Variants in NPHS1 observed in about 807,000 individuals in gnomAD.
NPHS1 encodes the protein nephrin.
In NPHS1, 107 loss-of-function variants were observed where a neutral mutation model predicts 139.7. That is an observed-to-expected ratio of 0.77 (90% CI 0.66 to 0.90). NPHS1 has a LOEUF of 0.90. NPHS1 is among the 40% of genes least tolerant of loss of function. The pLI is 0.00. For missense variants in NPHS1, 1,580 were observed against 1,654.2 expected, an observed-to-expected ratio of 0.96 and a Z score of 0.78; for synonymous variants, 707 against 706.6, an observed-to-expected ratio of 1.00 and a Z score of -0.01.
At chr19:35,847,796 A>G (rs1320576860) in intron 11 of NPHS1, 1 of 461,328 alleles carries the variant, frequency 2.2e-6, no homozygotes, top group African/African-American at 2.0e-5. Context: ...AGAATGCCTA[A>G]TCTTGATTCA....
intron 27 of NPHS1, 21 bp downstream of exon 27, chr19:35,831,032 C>T (rs1338911863): frequency 6.2e-7 from 1 of 1,613,004 alleles, no homozygotes; most frequent in East Asian, 2.2e-5. Context: ...GTGAGGGAAT[C>T]CTGACATGGT....
chr19:35,842,129 A>T lies in NPHS1; in HGVS notation c.2658T>A (p.Asp886Glu). 6.2e-7 allele frequency: 1 copy of T among 1,604,064 alleles called. No homozygotes were observed. Among genetic ancestry groups the T allele is most frequent in the South Asian group, 1.1e-5 (1 of 89,036 alleles). Residue 886 changes from aspartate to glutamate, a missense_variant, in exon 19 of 29, where the codon GAT (aspartate) becomes GAA (glutamate). Physicochemically the swap from Asp to Glu is conservative, Grantham distance 45. Transcript: ENST00000378910. ...TKNGVPLDLQ[D>E]PRYTEHTYHQ... Reference sequence around the variant, plus strand: ...CTGGCTGGGCTTGGGCTCACCTGGGATCTTGGAGATCCAGAGGGACCCCGT... The same window carrying T: ...CTGGCTGGGCTTGGGCTCACCTGGGTTCTTGGAGATCCAGAGGGACCCCGT...
intron 28 of NPHS1, among the ~76,000 whole-genome samples, chr19:35,828,174 T>C (rs537996489): frequency 6.6e-6 from 1 of 152,208 alleles, no homozygotes; most frequent in Non-Finnish European, 1.5e-5. Flanking sequence ...TTCAGCAAAC[T>C]TTAGAGCAGA....
Position 35,830,587 on chromosome 19 carries a change from T to A in NPHS1, c.3594+257A>T, listed in dbSNP as rs1008513961. 2.0e-5 allele frequency among the ~76,000 whole-genome samples: 3 copies of A among 152,238 alleles called. No homozygotes were observed. In the East Asian group the frequency reaches 5.8e-4, roughly 29 times the overall value. On this transcript the variant is annotated intron_variant, in intron 28 of 28. Transcript: ENST00000378910. ...TCCATGCCTGGCTCATTTTAAAAAA[T>A]GTTTTGTAGAGACAAGTCACTATAT...
intron 23 of NPHS1, among the ~76,000 whole-genome samples, chr19:35,831,997 G>T (rs1436140424): frequency 6.6e-6 from 1 of 152,174 alleles, no homozygotes; most frequent in South Asian, 2.1e-4. Flanking sequence ...ACTCAGAACG[G>T]AACTCTGGAC....
At position 35,830,869 on chromosome 19, in the gene NPHS1, C is replaced by T. The variant is rs1353178621; in HGVS notation, c.3569G>A (p.Gly1190Glu). 5.0e-6 allele frequency: 8 copies of T among 1,611,808 alleles called. No individual in the cohort carries two copies. The African/African-American group carries it at 9.3e-5, about 19-fold the overall frequency. Reference sequence around the variant, plus strand: ...CATCTGCACTTCATCGTAGAGGGGTCCCCAGGCTCCAGACGGGGGGTACGT... The same window carrying T: ...CATCTGCACTTCATCGTAGAGGGGTTCCCAGGCTCCAGACGGGGGGTACGT... ...ERTYPPSGAWGPLYDEVQMGP... is the reference protein window; with the variant it reads ...ERTYPPSGAWEPLYDEVQMGP... The change falls in exon 28 of 29, where the codon GGA becomes GAA. Residue 1190 changes from glycine (G) to glutamate (E), a missense_variant. By Grantham distance (98) the Gly-to-Glu change is moderately conservative. Transcript: ENST00000378910.
In NPHS1 at chr19:35,843,469, C is replaced by T; in HGVS notation, c.2334+3G>A. ...CTCTATTCACCAAAGGCTGGATCCTCACCAGTCTCTCCCAGTTGAACATGC... is the reference window on the plus strand; with the variant it reads ...CTCTATTCACCAAAGGCTGGATCCTTACCAGTCTCTCCCAGTTGAACATGC... On this transcript the variant is annotated splice_donor_region_variant and intron_variant, in intron 17 of 28. Transcript: ENST00000378910. 5.6e-6 allele frequency: 9 copies of T among 1,614,086 alleles called. No homozygotes were observed. The highest frequency in any genetic ancestry group is 7.6e-6 in the Non-Finnish European group (9 of 1,179,956).
intron 23 of NPHS1, among the ~76,000 whole-genome samples, chr19:35,835,199 C>CAAAAAAAAAAAAA (rs71167570): frequency 9.8e-5 from 7 of 71,202 alleles, no homozygotes; most frequent in Admixed American, 2.1e-4. Context: ...GACTCTGTCT[C>CAAAAAAAAAAAAA]AAAAAAAAAA....
At position 35,851,691 on chromosome 19, in the gene NPHS1, G is replaced by T. The variant is rs115350784; in HGVS notation, c.59-19C>A. 666 of 1,603,154 alleles carry T rather than the reference G, an allele frequency of 4.2e-4. 4 individuals carry two copies. In the African/African-American group the frequency reaches 7.8e-3, roughly 19 times the overall value. On this transcript the variant is annotated intron_variant, in intron 1 of 28. Transcript: ENST00000378910. ...GCCAGGCCTGAGGACACAGCGCGGT[G>T]CAAGGAAAGGGCAGAGGGTTTGTCT...
At chr19:35,836,392 G>A (rs558896461) in intron 22 of NPHS1, among the ~76,000 whole-genome samples, 2 of 151,978 alleles carry the variant, frequency 1.3e-5, no homozygotes, top group African/African-American at 4.8e-5. Context: ...TGATTAGCTG[G>A]GACTACAGGC....
At chr19:35,843,450 T>C (rs1384293629) in intron 17 of NPHS1, 22 bp downstream of exon 17, 1 of 1,613,702 alleles carries the variant, frequency 6.2e-7, no homozygotes, top group Admixed American at 1.7e-5. Context: ...CCACCTCTAT[T>C]CACCAAAGGC....
Position 35,849,035 on chromosome 19 carries a change from T to A in NPHS1, c.953A>T (p.Glu318Val), listed in dbSNP as rs771384151. Residue 318 changes from glutamate (E) to valine (V), a missense_variant, in exon 8 of 29, where the codon GAG becomes GTG. By Grantham distance (121) the Glu-to-Val change is moderately radical. Transcript: ENST00000378910. Reference protein sequence around the residue: ...PEDHGAQLSCEAHNSVSAGTQ... With the variant: ...PEDHGAQLSCVAHNSVSAGTQ... ...CCCTGCAGACACGCTGTTGTGGGCC[T>A]CGCAGCTGAGCTGCGCTCCATGGTC... 1 of 1,612,118 alleles carries A rather than the reference T, an allele frequency of 6.2e-7. No individual in the cohort carries two copies. The highest frequency in any genetic ancestry group is 8.5e-7 in the Non-Finnish European group (1 of 1,180,024).
chr19:35,848,955 G>A (rs759775186), intron 8 of NPHS1, 21 bp downstream of exon 8: 4 of 1,611,200 alleles, frequency 2.5e-6, no homozygotes, highest in East Asian at 4.5e-5. Flanking sequence ...CGACAGGGGG[G>A]CAGCTGGCAC....
intron 22 of NPHS1, among the ~76,000 whole-genome samples, chr19:35,837,948 A>AAAAAAC (rs1555761308): frequency 1.3e-5 from 2 of 151,212 alleles, no homozygotes; most frequent in Non-Finnish European, 3.0e-5. Context: ...TAAAAAAAAA[A>AAAAAAC]AAAAAAAAAA....
chr19:35,835,902 A>T (rs1972950786), intron 22 of NPHS1, 141 bp from the exon 23 acceptor site: 1 of 695,124 alleles, frequency 1.4e-6, no homozygotes, highest in Admixed American at 2.4e-5. Flanking sequence ...GAGAGCTAGA[A>T]ATTGCTGATA....
At chr19:35,841,941 T>A (rs1973062020) in intron 19 of NPHS1, 75 bp from the exon 20 acceptor site, 2 of 1,496,346 alleles carry the variant, frequency 1.3e-6, no homozygotes, top group Admixed American at 2.0e-5. Flanking sequence ...TATGCATCCA[T>A]CCATTAATGT....
At chr19:35,840,747 G>A (rs1362999572) in intron 20 of NPHS1, among the ~76,000 whole-genome samples, 1 of 148,100 alleles carries the variant, frequency 6.8e-6, no homozygotes, top group Non-Finnish European at 1.5e-5. Flanking sequence ...GGAGTGCGGT[G>A]GCGCGAACTC....
chr19:35,848,103 G>A lies in NPHS1; in HGVS notation c.1378C>T (p.Arg460Trp), dbSNP rs749319334. 45 of 1,613,868 alleles carry A rather than the reference G, an allele frequency of 2.8e-5. No individual in the cohort carries two copies. In the East Asian group the frequency reaches 6.7e-4, roughly 24 times the overall value. The change falls in exon 11 of 29, where the codon CGG becomes TGG. Residue 460 changes from arginine (R) to tryptophan (W), a missense_variant. By Grantham distance (101) the Arg-to-Trp change is moderately radical. Transcript: ENST00000378910. ...PEGQKLRAGT[R>W]VRLVCLAIGG... ...ATAGCCAAACACACCAGCCTCACCC[G>A]GGTCCCAGCCCGGAGCTTCTGGCCC...
chr19:35,851,548 C>G lies in NPHS1; in HGVS notation c.183G>C (p.Ala61=). The G allele has an allele frequency of 6.2e-7, 1 of 1,613,944 alleles. No homozygotes were observed. Among genetic ancestry groups the G allele is most frequent in the Non-Finnish European group, 8.5e-7 (1 of 1,180,004 alleles). Residue 61 remains alanine, a synonymous_variant, in exon 2 of 29, where the codon GCG becomes GCC. Transcript: ENST00000378910. ...LRCGVSTPGS[A]VQWAKDGLLL... is the part of the protein sequence containing the mutation. ...GCAGCCCATCTTTGGCCCATTGCAC[C>G]GCACTGCCAGGGGTGCTGACCCCAC...
Sources: gnomAD v4.1 joint callset for allele counts (sites outside exome capture counted in the v4.1 genomes callset) on GRCh38, gnomAD v4.1.1 for gene constraint, MANE v1.5 for transcripts, NCBI Gene and HGNC (gene_info 2026-07-23, HGNC 2026-07-21) for gene names.